Variants in TEX14 observed in about 807,000 individuals in gnomAD.
The protein encoded by TEX14 is testis expressed 14, intercellular bridge forming factor, also known as inactive serine/threonine-protein kinase TEX14.
TEX14 carries 168 observed loss-of-function variants against 178.6 expected under a neutral mutation model. The ratio of observed to expected loss-of-function variants is 0.94; its 90% CI spans 0.83 to 1.07. The LOEUF is 1.07. Ranked by LOEUF, TEX14 falls within the 50% of genes least tolerant of loss-of-function variation. TEX14 has a pLI of 0.00. For synonymous variants in TEX14, 626 were observed against 634.1 expected, an observed-to-expected ratio of 0.99 and a Z score of 0.19; for missense variants, 1,730 against 1,753.6, an observed-to-expected ratio of 0.99 and a Z score of 0.24.
At chr17:58,613,888 A>C (rs1278987501) in intron 8 of TEX14, among the ~76,000 whole-genome samples, 1 of 152,058 alleles carries the variant, frequency 6.6e-6, no homozygotes, top group Non-Finnish European at 1.5e-5. Context: ...GCTGGTCTTG[A>C]ATTCCTGACC....
In TEX14 at chr17:58,585,855, T is replaced by G; in HGVS notation, c.3016A>C (p.Asn1006His). ...CCATGCTGGTCACTGTCACAGTCAT[T>G]GTTGCCCGTCTTGTCAAACTTGCCA... ...GNGKFDKTGN[N>H]DCDSDQHGRQ... The change falls in exon 18 of 32, where the codon AAT becomes CAT. Residue 1006 changes from asparagine (N) to histidine (H), a missense_variant. Physicochemically the swap from Asn to His is moderately conservative, Grantham distance 68. This residue lies in a region of TEX14 where 941 missense variants were observed against 1,072.4 expected (regional missense o/e 0.88). Transcript: ENST00000349033. 1 of 1,614,070 alleles carries G rather than the reference T, an allele frequency of 6.2e-7. No homozygotes were observed.
intron 1 of TEX14, among the ~76,000 whole-genome samples, chr17:58,662,647 C>T (rs2047136536): frequency 6.6e-6 from 1 of 152,174 alleles, no homozygotes; most frequent in Non-Finnish European, 1.5e-5. Flanking sequence ...TGTCCTAAGA[C>T]ATGCCCCTCA....
chr17:58,601,861 A>G lies in TEX14; in HGVS notation c.1623T>C (p.Thr541=), dbSNP rs779507629. 1.5e-5 allele frequency: 24 copies of G among 1,613,190 alleles called. No homozygotes were observed. Among genetic ancestry groups the G allele is most frequent in the Non-Finnish European group, 1.8e-5 (21 of 1,179,938 alleles). ...CAGGTGTCTCTCTGGGGTGTTCTGAAGTCAGTCCTAGATAGACATTGACAT... is the reference window on the plus strand; with the variant it reads ...CAGGTGTCTCTCTGGGGTGTTCTGAGGTCAGTCCTAGATAGACATTGACAT... The part of the protein sequence containing the change: ...HPDVNVYLGL[T]SEHPRETPDM... The change falls in exon 13 of 32, where the codon ACT becomes ACC. Residue 541 remains threonine, a synonymous_variant. Coordinates refer to ENST00000349033, the MANE Select transcript of TEX14 (RefSeq NM_031272.5).
chr17:58,569,260 A>C lies in TEX14; in HGVS notation c.3818T>G (p.Val1273Gly). Residue 1273 changes from valine (V) to glycine (G), a missense_variant and splice_region_variant, in exon 26 of 32, where the codon GTA (valine) becomes GGA (glycine). This residue lies in a region of TEX14 where 941 missense variants were observed against 1,072.4 expected (regional missense o/e 0.88). Transcript: ENST00000349033. This position sits in a 1 kb window ranked among gnomAD's most constrained non-coding sequence, Gnocchi z 4.1. ...AATGTGATGCTGTGAGAAGGCTTCTACTAGTTTTTAAAAAAGACAAAAGGG... is the reference window on the plus strand; with the variant it reads ...AATGTGATGCTGTGAGAAGGCTTCTCCTAGTTTTTAAAAAAGACAAAAGGG... ...HATQRRSLPK[V>G]EAFSQHHIDE... 2 of 1,613,736 alleles carry C rather than the reference A, an allele frequency of 1.2e-6. No individual in the cohort carries two copies. Among genetic ancestry groups the C allele is most frequent in the Non-Finnish European group, 1.7e-6 (2 of 1,179,688 alleles).
chr17:58,630,389 A>T, intron 3 of TEX14, 51 bp downstream of exon 3: 1 of 1,374,444 alleles, frequency 7.3e-7, no homozygotes, highest in Non-Finnish European at 1.0e-6. Flanking sequence ...AAACAAACTC[A>T]TCTTAACAGC....
Position 58,579,255 on chromosome 17 carries a change from A to C in TEX14, c.3238+410T>G, listed in dbSNP as rs143864553. Among the ~76,000 whole-genome samples, 8 of 152,334 alleles carry C rather than the reference A, an allele frequency of 5.3e-5. No individual in the cohort carries two copies. The East Asian group carries it at 1.5e-3, about 29-fold the overall frequency. ...GTGACACTGCCTTCTGGGGAGAAGAAATACATGAAAACCTAGTTCTAATTT... is the reference window on the plus strand; with the variant it reads ...GTGACACTGCCTTCTGGGGAGAAGACATACATGAAAACCTAGTTCTAATTT... On this transcript the variant is annotated intron_variant, in intron 20 of 31. Transcript: ENST00000349033.
At chr17:58,646,923 TAGAC>T (rs1413589080) in intron 2 of TEX14, among the ~76,000 whole-genome samples, 1 of 151,534 alleles carries the variant, frequency 6.6e-6, no homozygotes, top group Admixed American at 6.6e-5. Flanking sequence ...TTTTTTTTTT[TAGAC>T]AGAGTTTCGC....
At chr17:58,559,156 G>A (rs182621193) in intron 30 of TEX14, among the ~76,000 whole-genome samples, 1 of 152,064 alleles carries the variant, frequency 6.6e-6, no homozygotes, top group Admixed American at 6.5e-5. Flanking sequence ...GGCAACAAGA[G>A]TGAAACTGTC....
chr17:58,619,448 A>G (rs984743822), intron 5 of TEX14, among the ~76,000 whole-genome samples: 1 of 152,166 alleles, frequency 6.6e-6, no homozygotes, highest in Admixed American at 6.6e-5. Flanking sequence ...ATCTTATCTG[A>G]CACGGCACCA....
chr17:58,616,598 T>TA (rs1444901619), intron 6 of TEX14, among the ~76,000 whole-genome samples: 1 of 147,306 alleles, frequency 6.8e-6, no homozygotes, highest in East Asian at 1.9e-4. Context: ...ACCTGGCTAA[T>TA]TTTTTTTTTA....
At chr17:58,628,816 C>T (rs986002387) in intron 3 of TEX14, among the ~76,000 whole-genome samples, 11 of 151,308 alleles carry the variant, frequency 7.3e-5, no homozygotes, top group Admixed American at 4.6e-4. Flanking sequence ...ACACGGGAGG[C>T]GGAGGTTGCA....
At chr17:58,624,979 C>G (rs967872637) in intron 3 of TEX14, among the ~76,000 whole-genome samples, 1 of 152,164 alleles carries the variant, frequency 6.6e-6, no homozygotes, top group Non-Finnish European at 1.5e-5. Flanking sequence ...CTTATAGGAA[C>G]CACTGATCCC....
chr17:58,592,525 G>A (rs990895925), intron 15 of TEX14, among the ~76,000 whole-genome samples: 4 of 151,670 alleles, frequency 2.6e-5, no homozygotes, highest in Admixed American at 2.0e-4. Context: ...TAGTAGAGAC[G>A]GGGTGTCACC....
intron 24 of TEX14, among the ~76,000 whole-genome samples, chr17:58,571,016 A>C (rs2044511485): frequency 6.6e-6 from 1 of 152,000 alleles, no homozygotes; most frequent in Admixed American, 6.6e-5. Context: ...CTAGACAGTG[A>C]GCTCCTTTGA....
chr17:58,559,967 A>G (rs1700720082), intron 29 of TEX14, among the ~76,000 whole-genome samples: 2 of 152,230 alleles, frequency 1.3e-5, no homozygotes, highest in South Asian at 4.1e-4. Context: ...TTTCAAAACC[A>G]TCATTTATTT....
chr17:58,682,564 C>T (rs1032162316), intron 1 of TEX14, among the ~76,000 whole-genome samples: 7 of 151,984 alleles, frequency 4.6e-5, no homozygotes, highest in Non-Finnish European at 1.5e-5. Flanking sequence ...ACTCCTCCAA[C>T]CAGATTTCAA....
chr17:58,683,658 G>A (rs1314703536), intron 1 of TEX14, among the ~76,000 whole-genome samples: 1 of 151,950 alleles, frequency 6.6e-6, no homozygotes, highest in Non-Finnish European at 1.5e-5. Flanking sequence ...AGCTACTCGG[G>A]AGGCTGAGGC....
At chr17:58,635,245 A>G (rs1262340974) in intron 2 of TEX14, among the ~76,000 whole-genome samples, 1 of 152,198 alleles carries the variant, frequency 6.6e-6, no homozygotes, top group Admixed American at 6.5e-5. Context: ...ATACACATGT[A>G]GCAGTCTAAT....
In TEX14 at chr17:58,574,675, C is replaced by CAAAA. The variant is rs1177255314; in HGVS notation, c.3321-430_3321-427dup. Among the ~76,000 whole-genome samples, 11 of 43,878 alleles carry CAAAA rather than the reference C, an allele frequency of 2.5e-4. 1 individual carries two copies. Among genetic ancestry groups the CAAAA allele is most frequent in the East Asian group, 7.8e-4 (1 of 1,290 alleles). 28.8% of individuals were successfully genotyped at this position (43,878 alleles called of 152,430 possible). On this transcript the variant is annotated intron_variant, in intron 21 of 31. Coordinates refer to ENST00000349033, the MANE Select transcript of TEX14 (RefSeq NM_031272.5). ...GGCAGCAAGAATGAGACTCCATCTC[C>CAAAA]AAAAAAAAAAAAAAAAAAAAAAAAA...
Sources: gnomAD v4.1 joint callset for allele counts (sites outside exome capture counted in the v4.1 genomes callset) on GRCh38, gnomAD v4.1.1 for gene constraint, gnomAD v4.1.1 regional missense constraint, Gnocchi (gnomAD v3.1) non-coding constraint, MANE v1.5 for transcripts, NCBI Gene and HGNC (gene_info 2026-07-23, HGNC 2026-07-21) for gene names.